The following USH2A variants were observed in gnomAD, a reference collection of about 807,000 sequenced individuals.
USH2A encodes the protein usherin.
In USH2A, 443 loss-of-function variants were observed where a neutral mutation model predicts 538.9. That is an observed-to-expected ratio of 0.82 (90% CI 0.76 to 0.89). The LOEUF (loss-of-function observed/expected upper bound fraction) is 0.89. Among genes scored for constraint, USH2A ranks in the 40% least tolerant of loss-of-function variants. The pLI, the probability that USH2A is intolerant of heterozygous loss-of-function variation, is 0.00. For missense variants in USH2A, 6,633 were observed against 6,324.8 expected (o/e 1.05, Z -1.65); for synonymous variants, 2,413 against 2,273.5 (o/e 1.06, Z -1.75).
intron 11 of USH2A, among the ~76,000 whole-genome samples, chr1:216,279,441 C>A (rs902307036): frequency 2.0e-5 from 3 of 152,058 alleles, no homozygotes; most frequent in Non-Finnish European, 4.4e-5. Flanking sequence ...AACTCCCCTA[C>A]CCCCATCTAC....
intron 32 of USH2A, among the ~76,000 whole-genome samples, chr1:216,013,755 AT>A (rs763872253): frequency 5.2e-4 from 78 of 151,370 alleles, no homozygotes; most frequent in Non-Finnish European, 9.1e-4. Context: ...CCCCACCCCT[AT>A]CTCCCTTCGC....
intron 58 of USH2A, among the ~76,000 whole-genome samples, chr1:215,746,369 G>T (rs1660471488): frequency 6.6e-6 from 1 of 152,162 alleles, no homozygotes; most frequent in African/African-American, 2.4e-5. Context: ...ATGAATGAAT[G>T]AATGAATAAT....
At chr1:215,884,364 C>T (rs1571779046) in intron 41 of USH2A, among the ~76,000 whole-genome samples, 1 of 152,172 alleles carries the variant, frequency 6.6e-6, no homozygotes, top group East Asian at 1.9e-4. Context: ...TTAAGTCCTT[C>T]CATCCAGGAA....
chr1:216,194,865 A>T (rs1042857926), intron 19 of USH2A, among the ~76,000 whole-genome samples: 53 of 152,102 alleles, frequency 3.5e-4, no homozygotes, highest in African/African-American at 1.2e-3. Context: ...AGGGCTCTGC[A>T]CCAGGTCCAG....
intron 38 of USH2A, among the ~76,000 whole-genome samples, chr1:215,924,218 G>A (rs775374321): frequency 6.6e-6 from 1 of 152,062 alleles, no homozygotes; most frequent in East Asian, 1.9e-4. Flanking sequence ...ATCATGAAAA[G>A]CATAGTGGTT....
intron 11 of USH2A, among the ~76,000 whole-genome samples, chr1:216,281,865 G>GTTTTTTTTTTTT (rs766030449): frequency 3.6e-4 from 35 of 96,458 alleles, no homozygotes; most frequent in Non-Finnish European, 4.4e-4. Flanking sequence ...GTTTTTGTCT[G>GTTTTTTTTTTTT]TTTTTTTTTT....
intron 3 of USH2A, among the ~76,000 whole-genome samples, chr1:216,398,870 C>A (rs1198566125): frequency 2.6e-5 from 4 of 152,136 alleles, no homozygotes; most frequent in African/African-American, 7.2e-5. Context: ...TTTGATGAGA[C>A]CAAATAAGGA....
chr1:216,086,904 C>T (rs2032152985), intron 23 of USH2A, 84 bp from the exon 24 acceptor site: 2 of 1,033,120 alleles, frequency 1.9e-6, no homozygotes, highest in African/African-American at 1.6e-5. Context: ...CCTTCACCAG[C>T]CTTTGGGATA....
intron 6 of USH2A, 104 bp downstream of exon 6, chr1:216,325,201 G>A: frequency 7.9e-7 from 1 of 1,271,752 alleles, no homozygotes; most frequent in Non-Finnish European, 1.1e-6. Flanking sequence ...CTGATCTCCA[G>A]AACTGTTAGG....
Position 215,674,527 on chromosome 1 carries a change from T to C in USH2A, c.13384A>G (p.Ile4462Val). The C allele has an allele frequency of 1.2e-6, 2 of 1,614,176 alleles. No individual in the cohort carries two copies. The highest frequency in any genetic ancestry group is 1.7e-6 in the Non-Finnish European group (2 of 1,180,020). Residue 4462 changes from isoleucine (I) to valine (V), a missense_variant, in exon 63 of 72, where the codon ATC (isoleucine) becomes GTC (valine). By Grantham distance (29) the Ile-to-Val change is conservative. Transcript: ENST00000307340. ...LQVTGSESIE[I>V]TWKPPRNPNG... Reference sequence around the variant, plus strand: ...GGGTTTCTTGGAGGTTTCCAGGTGATTTCTATTGATTCTGAGCCTGTGACT... The same window carrying C: ...GGGTTTCTTGGAGGTTTCCAGGTGACTTCTATTGATTCTGAGCCTGTGACT...
intron 70 of USH2A, among the ~76,000 whole-genome samples, chr1:215,633,572 A>G (rs1656380148): frequency 6.6e-6 from 1 of 152,150 alleles, no homozygotes; most frequent in Non-Finnish European, 1.5e-5. Flanking sequence ...TTGAAGTGTA[A>G]GCAGCTTGAC....
rs757038905 is a variant in USH2A at position 216,078,179 on chromosome 1, C to A, written c.5482G>T (p.Asp1828Tyr). ...GGTGAATTCACCACCAGTGGCTGGT[C>A]TCCGGACTCCGATGCATGCTTCATC... ...GLMKHASESG[D>Y]QPLVVNSPVY... The change falls in exon 27 of 72, where the codon GAC (aspartate) becomes TAC (tyrosine). Residue 1828 changes from aspartate (D) to tyrosine (Y), a missense_variant. Asp to Tyr is a radical substitution (Grantham distance 160, BLOSUM62 -3). Coordinates refer to ENST00000307340, the MANE Select transcript of USH2A (RefSeq NM_206933.4). 1 of 1,613,714 alleles carries A rather than the reference C, an allele frequency of 6.2e-7. No homozygotes were observed. The highest frequency in any genetic ancestry group is 1.7e-5 in the Admixed American group (1 of 59,932).
intron 21 of USH2A, among the ~76,000 whole-genome samples, chr1:216,145,754 T>C (rs1339451245): frequency 2.6e-5 from 4 of 152,158 alleles, no homozygotes; most frequent in Admixed American, 6.5e-5. Flanking sequence ...GAAGTGTAAA[T>C]GGCCAGTCCT....
intron 55 of USH2A, among the ~76,000 whole-genome samples, chr1:215,774,675 G>A (rs918247816): frequency 1.3e-5 from 2 of 152,018 alleles, no homozygotes; most frequent in Non-Finnish European, 2.9e-5. Flanking sequence ...ATCTGATGTT[G>A]CTCAAACGTG....
intron 32 of USH2A, among the ~76,000 whole-genome samples, chr1:216,029,259 T>G (rs2102509162): frequency 6.6e-6 from 1 of 152,146 alleles, no homozygotes; most frequent in South Asian, 2.1e-4. Flanking sequence ...CCAGATGTAG[T>G]CTACATACAT....
In USH2A at chr1:215,939,896, T is replaced by C. The variant is rs184367618; in HGVS notation, c.7121-5101A>G. Among the ~76,000 whole-genome samples the C allele has an allele frequency of 1.2e-4, 19 of 152,096 alleles. No homozygotes were observed. In the East Asian group the frequency reaches 2.9e-3, roughly 23 times the overall value. ...GGAAAGAGGTGACATGAACAACCAA[T>C]CAGAATACATAATATTGCAAAGGTC... On this transcript the variant is annotated intron_variant, in intron 37 of 71. Coordinates refer to ENST00000307340, the MANE Select transcript of USH2A (RefSeq NM_206933.4).
At position 215,835,305 on chromosome 1, in the gene USH2A, G is replaced by A. The variant is rs182744324; in HGVS notation, c.9371+2686C>T. ...GGATCCCTATATGCTATTATCTGGAGGTATTTTTTTTGAGATCATTCTTTT... is the reference window on the plus strand; with the variant it reads ...GGATCCCTATATGCTATTATCTGGAAGTATTTTTTTTGAGATCATTCTTTT... On this transcript the variant is annotated intron_variant, in intron 47 of 71. Coordinates refer to ENST00000307340, the MANE Select transcript of USH2A (RefSeq NM_206933.4). 2.3e-3 allele frequency among the ~76,000 whole-genome samples: 351 copies of A among 151,946 alleles called. 1 individual carries two copies. Among genetic ancestry groups the A allele is most frequent in the Middle Eastern group, 6.8e-3 (2 of 292 alleles).
intron 3 of USH2A, among the ~76,000 whole-genome samples, chr1:216,384,203 T>C (rs940671722): frequency 6.6e-6 from 1 of 151,706 alleles, no homozygotes; most frequent in African/African-American, 2.4e-5. Flanking sequence ...ATAAAAAAAA[T>C]TTAAAATTAT....
In USH2A at chr1:215,743,161, T is replaced by C. The variant is rs545402848; in HGVS notation, c.11548+16A>G. On this transcript the variant is annotated intron_variant, in intron 59 of 71. Transcript: ENST00000307340. The stretch of plus-strand genomic sequence containing the variant: ...TTTTCATAAAAGCCCAGGCCAAGTG[T>C]CTGAAAGACTTTCACCATTTTGACA... 1.2e-6 allele frequency: 2 copies of C among 1,606,952 alleles called. No homozygotes were observed. The highest frequency in any genetic ancestry group is 8.5e-7 in the Non-Finnish European group (1 of 1,175,818).
Sources: allele counts gnomAD v4.1 joint callset (sites outside exome capture counted in the v4.1 genomes callset), GRCh38; gene constraint gnomAD v4.1.1; transcripts MANE v1.5; gene names NCBI Gene and HGNC (gene_info 2026-07-23, HGNC 2026-07-21).